Variants in ZNF226 observed in about 807,000 individuals in gnomAD.
The protein encoded by ZNF226 is Kruppel-associated box protein.
A neutral mutation model predicts 11.4 loss-of-function variants in ZNF226; 6 were observed. The observed-to-expected ratio is 0.53, with a 90% CI of 0.29 to 1.04. The LOEUF (loss-of-function observed/expected upper bound fraction) is 1.04. ZNF226 is among the 50% of genes least tolerant of loss of function. The pLI is 0.08. For synonymous variants in ZNF226, 350 were observed against 322.8 expected (o/e 1.08, Z -0.90); for missense variants, 1,058 against 956.5 (o/e 1.11, Z -1.40).
intron 2 of ZNF226, among the ~76,000 whole-genome samples, chr19:44,167,518 C>T (rs1321870832): frequency 6.6e-6 from 1 of 151,974 alleles, no homozygotes; most frequent in East Asian, 1.9e-4. Flanking sequence ...TGGGGTTCCA[C>T]CATGTTTGCC....
the ZNF226 span, among the ~76,000 whole-genome samples, chr19:44,185,377 A>T: frequency 1.3e-5 from 2 of 152,214 alleles, no homozygotes; most frequent in African/African-American, 4.8e-5. Flanking sequence ...AACAGTGCAC[A>T]GGTCTTCCAA....
the ZNF226 span, among the ~76,000 whole-genome samples, chr19:44,193,713 AAG>A: frequency 3.7e-4 from 57 of 152,354 alleles, no homozygotes; most frequent in African/African-American, 1.3e-3. Flanking sequence ...CAGAGAAAAA[AAG>A]AGAGCTAGCT....
At chr19:44,172,759 C>T in intron 4 of ZNF226, 101 bp from the exon 5 acceptor site, 1 of 905,344 alleles carries the variant, frequency 1.1e-6, no homozygotes, top group Non-Finnish European at 1.7e-6. Flanking sequence ...GTTTGAAAAA[C>T]ACTGCTTTCA....
chr19:44,173,386 C>G (rs1970339670), intron 5 of ZNF226: 1 of 228,426 alleles, frequency 4.4e-6, no homozygotes, highest in Non-Finnish European at 8.4e-6. Flanking sequence ...GTGTTCTTCC[C>G]TCTGCCTGAA....
At chr19:44,185,747 A>C in the ZNF226 span, among the ~76,000 whole-genome samples, 1 of 152,040 alleles carries the variant, frequency 6.6e-6, no homozygotes, top group African/African-American at 2.4e-5. Context: ...TGATGCACAG[A>C]AGTTTTTGAG....
intron 3 of ZNF226, among the ~76,000 whole-genome samples, chr19:44,171,581 G>T (rs1433405117): frequency 6.6e-6 from 1 of 152,176 alleles, no homozygotes; most frequent in Non-Finnish European, 1.5e-5. Context: ...ATAGAAAAGG[G>T]CTTGTGAAAA....
At chr19:44,166,069 C>T (rs1013047767) in intron 2 of ZNF226, among the ~76,000 whole-genome samples, 2 of 152,174 alleles carry the variant, frequency 1.3e-5, no homozygotes, top group African/African-American at 4.8e-5. Context: ...GCATTGAAAC[C>T]GAGGCAGTCT....
chr19:44,167,472 C>T (rs1969535102), intron 2 of ZNF226, among the ~76,000 whole-genome samples: 1 of 151,838 alleles, frequency 6.6e-6, no homozygotes, highest in Admixed American at 6.6e-5. Context: ...GCACCCGCCA[C>T]CACACCGGCT....
chr19:44,184,616 C>A, the ZNF226 span, among the ~76,000 whole-genome samples: 1 of 151,726 alleles, frequency 6.6e-6, no homozygotes, highest in African/African-American at 2.4e-5. Context: ...CCAGTGGTAT[C>A]GGATATTCCA....
At chr19:44,194,097 T>C in the ZNF226 span, among the ~76,000 whole-genome samples, 1 of 152,234 alleles carries the variant, frequency 6.6e-6, no homozygotes, top group East Asian at 1.9e-4. Context: ...TTGTCTAACC[T>C]ATGACCAAGT....
the ZNF226 span, among the ~76,000 whole-genome samples, chr19:44,186,344 G>A: frequency 3.9e-5 from 6 of 152,082 alleles, no homozygotes; most frequent in East Asian, 9.6e-4. Context: ...TACAGGATGA[G>A]TTCCCATTTA....
At chr19:44,169,996 A>G in intron 2 of ZNF226, 39 bp from the exon 3 acceptor site, 2 of 1,465,168 alleles carry the variant, frequency 1.4e-6, no homozygotes. Flanking sequence ...TTAGCAACAT[A>G]CTTACCCAGT....
chr19:44,181,948 A>AT (rs1160564203), downstream of ZNF226, among the ~76,000 whole-genome samples: 2 of 152,192 alleles, frequency 1.3e-5, no homozygotes, highest in African/African-American at 2.4e-5. Context: ...CAAAGTAAGG[A>AT]TTTTTGTAAT....
At chr19:44,197,343 G>A in the ZNF226 span, among the ~76,000 whole-genome samples, 2 of 152,166 alleles carry the variant, frequency 1.3e-5, no homozygotes, top group African/African-American at 4.8e-5. Context: ...TACAAGGACC[G>A]TGGTAGAGTT....
At chr19:44,182,819 G>T (rs1970927500), downstream of ZNF226, among the ~76,000 whole-genome samples, 1 of 152,184 alleles carries the variant, frequency 6.6e-6, no homozygotes. Flanking sequence ...GGGATTATCA[G>T]AGATCTTTGC....
chr19:44,175,680 A>C lies in ZNF226; in HGVS notation c.418A>C (p.Ile140Leu). Reference sequence around the variant, plus strand: ...TTACCAGGTAGGGACAGAACTGTCTATTCAAATTTCTGAAGATGAGAACTA... The same window carrying C: ...TTACCAGGTAGGGACAGAACTGTCTCTTCAAATTTCTGAAGATGAGAACTA... ...FPYQVGTELS[I>L]QISEDENYIV... is the part of the protein sequence containing the mutation. Residue 140 changes from isoleucine to leucine, a missense_variant, in exon 6 of 6, where the codon ATT (isoleucine) becomes CTT (leucine). Physicochemically the swap from Ile to Leu is conservative, Grantham distance 5. Transcript: ENST00000337433. 1 of 1,612,934 alleles carries C rather than the reference A, an allele frequency of 6.2e-7. No homozygotes were observed. Among genetic ancestry groups the C allele is most frequent in the African/African-American group, 1.3e-5 (1 of 74,984 alleles).
chr19:44,168,998 CTTTTT>C (rs34967576), intron 2 of ZNF226, among the ~76,000 whole-genome samples: 1 of 90,816 alleles, frequency 1.1e-5, no homozygotes, highest in African/African-American at 6.0e-5. Flanking sequence ...CTCCCTTTTC[CTTTTT>C]TTTTTTTTTT....
chr19:44,178,759 ATG>A (rs2122532822), downstream of ZNF226, among the ~76,000 whole-genome samples: 1 of 152,314 alleles, frequency 6.6e-6, no homozygotes, highest in East Asian at 1.9e-4. Context: ...CAAGTAGAAA[ATG>A]TAAGTAGCAC....
In ZNF226 at chr19:44,176,106, T is replaced by C. The variant is rs936054232; in HGVS notation, c.844T>C (p.Cys282Arg). ...ACAATCAGGAGAGAAGTCTCTTACA[T>C]GTGTTGAGCGTGGAAAAGGCTTCTG... The part of the protein sequence containing the change: ...QLQSGEKSLT[C>R]VERGKGFCYS... Residue 282 changes from cysteine (C) to arginine (R), a missense_variant, in exon 6 of 6, where the codon TGT becomes CGT. Coordinates refer to ENST00000337433, the MANE Select transcript of ZNF226 (RefSeq NM_001032373.2). 1.9e-6 allele frequency: 3 copies of C among 1,614,076 alleles called. No individual in the cohort carries two copies. The highest frequency in any genetic ancestry group is 2.2e-5 in the South Asian group (2 of 91,090).
Sources: allele counts gnomAD v4.1 joint callset (sites outside exome capture counted in the v4.1 genomes callset), GRCh38; gene constraint gnomAD v4.1.1; transcripts MANE v1.5; gene names NCBI Gene and HGNC (gene_info 2026-07-23, HGNC 2026-07-21).